Variants in EDDM13 observed in about 807,000 individuals in gnomAD.
The protein encoded by EDDM13 is epididymal protein 13.
In EDDM13, 24 loss-of-function variants were observed where a neutral mutation model predicts 17.8. That is an observed-to-expected ratio of 1.35 (90% CI 0.98 to 1.90). The LOEUF (loss-of-function observed/expected upper bound fraction) is 1.90. Ranked by LOEUF, EDDM13 falls within the 40% of genes most tolerant of loss-of-function variation. The pLI is 0.00. For missense variants in EDDM13, 97 were observed against 100.8 expected (o/e 0.96, Z 0.16); for synonymous variants, 31 against 37.5 (o/e 0.83, Z 0.63).
intron 12 of EDDM13, among the ~76,000 whole-genome samples, chr19:56,301,516 C>T (rs915053603): frequency 1.3e-5 from 2 of 152,086 alleles, no homozygotes; most frequent in East Asian, 1.9e-4. Context: ...GCTTCTTTAC[C>T]GCAACCTGTT....
At chr19:56,287,928 C>G (rs549708972) in intron 6 of EDDM13, among the ~76,000 whole-genome samples, 2 of 152,242 alleles carry the variant, frequency 1.3e-5, no homozygotes, top group Non-Finnish European at 2.9e-5. Flanking sequence ...AGGACACTTC[C>G]AGTGTTAGCT....
intron 14 of EDDM13, among the ~76,000 whole-genome samples, chr19:56,308,187 C>T (rs1271567292): frequency 6.6e-6 from 1 of 152,182 alleles, no homozygotes; most frequent in Non-Finnish European, 1.5e-5. Context: ...GCGAGTGCCA[C>T]CACGCCCAGC....
intron 2 of EDDM13, among the ~76,000 whole-genome samples, chr19:56,277,585 G>A (rs1248606660): frequency 6.6e-6 from 1 of 152,062 alleles, no homozygotes; most frequent in East Asian, 1.9e-4. Context: ...GTTTATTTTG[G>A]GGTGATTAAA....
intron 6 of EDDM13, among the ~76,000 whole-genome samples, chr19:56,285,823 T>C (rs1413936288): frequency 1.3e-5 from 2 of 152,192 alleles, no homozygotes; most frequent in African/African-American, 4.8e-5. Flanking sequence ...AACAGCGCTA[T>C]AATGGAAATC....
intron 14 of EDDM13, among the ~76,000 whole-genome samples, chr19:56,308,184 C>T (rs2040820776): frequency 6.6e-6 from 1 of 152,166 alleles, no homozygotes; most frequent in African/African-American, 2.4e-5. Context: ...CAGGCGAGTG[C>T]CACCACGCCC....
At chr19:56,287,858 T>A (rs1288649852) in intron 6 of EDDM13, among the ~76,000 whole-genome samples, 2 of 152,156 alleles carry the variant, frequency 1.3e-5, no homozygotes, top group Non-Finnish European at 2.9e-5. Context: ...ATTCTTTTAA[T>A]CCTTATAAGC....
chr19:56,284,872 T>C (rs1007047010), intron 5 of EDDM13, 126 bp from the exon 6 acceptor site: 1 of 263,918 alleles, frequency 3.8e-6, no homozygotes, highest in Admixed American at 6.5e-5. Context: ...GCATCATGAC[T>C]GAGGCATTAT....
chr19:56,287,642 C>G (rs927973561), intron 6 of EDDM13, among the ~76,000 whole-genome samples: 1 of 152,168 alleles, frequency 6.6e-6, no homozygotes, highest in African/African-American at 2.4e-5. Context: ...AATGTAGCCA[C>G]TGTCAGGTAT....
chr19:56,280,010 G>A (rs912677514), intron 2 of EDDM13, among the ~76,000 whole-genome samples: 6 of 151,908 alleles, frequency 3.9e-5, no homozygotes, highest in African/African-American at 1.2e-4. Context: ...AGTTCTCAAG[G>A]TTATACTGGA....
At chr19:56,301,799 C>G in intron 12 of EDDM13, 169 bp from the exon 13 acceptor site, 1 of 659,962 alleles carries the variant, frequency 1.5e-6, no homozygotes, top group East Asian at 3.5e-5. Flanking sequence ...ATGGTGGTAA[C>G]CAAGAAGGGG....
At chr19:56,286,829 C>T (rs1045584880) in intron 6 of EDDM13, 6 of 152,278 alleles carry the variant, frequency 3.9e-5, no homozygotes, top group Admixed American at 6.5e-5. Context: ...TCATCTCTCA[C>T]TGCTAGAGAT....
chr19:56,302,561 CCCCTTCCTTT>C lies in EDDM13; in HGVS notation c.423+467_423+476del, dbSNP rs1264298297. Among the ~76,000 whole-genome samples the C allele has an allele frequency of 3.2e-3, 259 of 81,128 alleles. 4 individuals are homozygous for C. Among genetic ancestry groups the C allele is most frequent in the African/African-American group, 0.013 (251 of 19,520 alleles). The allele number at this position is 81,128 out of a possible 152,430, so 53.2% of individuals were successfully genotyped here. A position where few individuals can be genotyped will look rare whatever the true frequency, so the allele number is the denominator to read the frequency against. ...TTCCTCCCCGTTCCTCCCTCCCTCC[CCCCTTCCTTT>C]TCTTCCTCCCCCTTTTCTTCCTCTC... is the stretch of plus-strand genomic sequence containing the variant. On this transcript the variant is annotated intron_variant, in intron 13 of 14. Coordinates refer to ENST00000649256, the MANE Select transcript of EDDM13 (RefSeq NM_001354658.2).
chr19:56,280,744 A>G (rs2038630716), intron 2 of EDDM13: 1 of 152,182 alleles, frequency 6.6e-6, no homozygotes, highest in African/African-American at 2.4e-5. Context: ...AGAGACAGAG[A>G]GCTCAGAGCT....
At chr19:56,289,813 C>T (rs941342344) in intron 8 of EDDM13, among the ~76,000 whole-genome samples, 2 of 152,104 alleles carry the variant, frequency 1.3e-5, no homozygotes, top group Non-Finnish European at 2.9e-5. Flanking sequence ...AGGGTCTCAC[C>T]ATGTTGCTCA....
intron 8 of EDDM13, among the ~76,000 whole-genome samples, chr19:56,289,819 G>A (rs1363279555): frequency 6.6e-6 from 1 of 152,094 alleles, no homozygotes; most frequent in Admixed American, 6.5e-5. Flanking sequence ...TCACCATGTT[G>A]CTCAGGCTGA....
At chr19:56,293,664 G>A (rs2039669218) in intron 9 of EDDM13, among the ~76,000 whole-genome samples, 1 of 152,184 alleles carries the variant, frequency 6.6e-6, no homozygotes, top group Non-Finnish European at 1.5e-5. Flanking sequence ...GAGTAAACAG[G>A]ATCATGCACT....
chr19:56,290,824 T>C lies in EDDM13; in HGVS notation c.227-17T>C, dbSNP rs2039461757. 6.6e-6 allele frequency among the ~76,000 whole-genome samples: 1 copy of C among 152,254 alleles called. No homozygotes were observed. Among genetic ancestry groups the C allele is most frequent in the Non-Finnish European group, 1.5e-5 (1 of 68,046 alleles). ...CCACACTGACTCCCCGAATGCTGGT[T>C]CTGCTACTTCCTCCAGTAAAAAGTA... On this transcript the variant is annotated splice_polypyrimidine_tract_variant and intron_variant, in intron 8 of 14. Transcript: ENST00000649256.
At chr19:56,293,683 T>C (rs1049943852) in intron 9 of EDDM13, among the ~76,000 whole-genome samples, 8 of 152,196 alleles carry the variant, frequency 5.3e-5, no homozygotes, top group Admixed American at 1.3e-4. Flanking sequence ...CTTGGCAGGA[T>C]GATTCCCAAT....
At chr19:56,293,692 A>G (rs1011188332) in intron 9 of EDDM13, among the ~76,000 whole-genome samples, 2 of 152,130 alleles carry the variant, frequency 1.3e-5, no homozygotes, top group African/African-American at 2.4e-5. Context: ...ATGATTCCCA[A>G]TTGGGGAGAT....
Sources: gnomAD v4.1 joint callset for allele counts (sites outside exome capture counted in the v4.1 genomes callset) on GRCh38, gnomAD v4.1.1 for gene constraint, MANE v1.5 for transcripts, NCBI Gene and HGNC (gene_info 2026-07-23, HGNC 2026-07-21) for gene names.